The following FRY variants were observed in gnomAD, a reference collection of about 807,000 sequenced individuals.
The protein encoded by FRY is FRY microtubule binding protein, also known as protein furry homolog.
A neutral mutation model predicts 348.4 loss-of-function variants in FRY; 128 were observed. The ratio of observed to expected loss-of-function variants is 0.37; its 90% CI spans 0.32 to 0.43. The LOEUF is 0.43. FRY is among the 20% of genes least tolerant of loss of function. The pLI is 1.00. For synonymous variants in FRY, 1,370 were observed against 1,374.7 expected (o/e 1.00, Z 0.08); for missense variants, 2,736 against 3,695.2 (o/e 0.74, Z 6.73).
chr13:32,281,033 C>T (rs1232765846), intron 58 of FRY, among the ~76,000 whole-genome samples: 2 of 152,132 alleles, frequency 1.3e-5, no homozygotes, highest in Non-Finnish European at 1.5e-5. Flanking sequence ...TATTCGTGCA[C>T]CTCTTTCTTT....
intron 4 of FRY, among the ~76,000 whole-genome samples, chr13:32,122,560 A>G (rs1240581997): frequency 2.0e-5 from 3 of 152,202 alleles, no homozygotes; most frequent in African/African-American, 7.2e-5. Context: ...GCCATCTACG[A>G]CAAACCCACA....
chr13:32,118,501 C>G (rs1208721414), intron 4 of FRY, among the ~76,000 whole-genome samples: 1 of 152,030 alleles, frequency 6.6e-6, no homozygotes, highest in Non-Finnish European at 1.5e-5. Flanking sequence ...TTATAATGTG[C>G]TTGAATTTAT....
chr13:32,189,496 G>A (rs2138278247), intron 28 of FRY, among the ~76,000 whole-genome samples: 1 of 151,950 alleles, frequency 6.6e-6, no homozygotes, highest in South Asian at 2.1e-4. Context: ...ACAGTACCAT[G>A]AAGGAAATAA....
At chr13:32,124,714 T>C (rs1429611231) in intron 6 of FRY, 33 bp downstream of exon 6, 6 of 1,523,106 alleles carry the variant, frequency 3.9e-6, no homozygotes, top group African/African-American at 2.7e-5. Flanking sequence ...AATGTTGAAG[T>C]TGGTGTTTAA....
At chr13:32,144,242 A>G (rs1421953398) in intron 11 of FRY, among the ~76,000 whole-genome samples, 1 of 151,328 alleles carries the variant, frequency 6.6e-6, no homozygotes, top group Middle Eastern at 3.2e-3. Context: ...CTTCTACATA[A>G]ATGTGTGCTT....
chr13:32,089,219 G>C (rs1418409990), intron 2 of FRY, among the ~76,000 whole-genome samples: 1 of 152,122 alleles, frequency 6.6e-6, no homozygotes, highest in Non-Finnish European at 1.5e-5. Context: ...CTAACAATAA[G>C]ACTTGTTTTA....
At chr13:32,117,606 C>T (rs1436459258) in intron 4 of FRY, 133 bp downstream of exon 4, 6 of 881,800 alleles carry the variant, frequency 6.8e-6, no homozygotes, top group Admixed American at 1.9e-5. Context: ...GCTGCAGGGG[C>T]CCTGTGTCTG....
chr13:32,254,858 G>A (rs75990837), intron 51 of FRY, among the ~76,000 whole-genome samples: 4,113 of 152,254 alleles, frequency 0.027, 209 homozygotes, highest in African/African-American at 0.094. Flanking sequence ...ACATTTTTGT[G>A]CTTGATGAAA....
intron 2 of FRY, among the ~76,000 whole-genome samples, chr13:32,098,072 C>T (rs931292183): frequency 1.3e-5 from 2 of 151,992 alleles, no homozygotes; most frequent in African/African-American, 2.4e-5. Context: ...CAGCACCAAG[C>T]GAAATGCACA....
chr13:32,070,879 A>G (rs1399367612), intron 1 of FRY, among the ~76,000 whole-genome samples: 1 of 152,138 alleles, frequency 6.6e-6, no homozygotes, highest in Non-Finnish European at 1.5e-5. Context: ...GTCTGGAATT[A>G]ATTTTTGTGT....
intron 1 of FRY, among the ~76,000 whole-genome samples, chr13:32,066,366 CT>C (rs959307507): frequency 6.6e-6 from 1 of 152,186 alleles, no homozygotes; most frequent in African/African-American, 2.4e-5. Context: ...ATGGTTCCCC[CT>C]GGTCATAGGT....
intron 2 of FRY, among the ~76,000 whole-genome samples, chr13:32,091,489 G>T (rs1192217403): frequency 6.6e-6 from 1 of 152,212 alleles, no homozygotes; most frequent in African/African-American, 2.4e-5. Context: ...ATGAGAAAAA[G>T]ATGTCAGACA....
chr13:32,098,210 T>A (rs1279010424), intron 2 of FRY, among the ~76,000 whole-genome samples: 12 of 152,086 alleles, frequency 7.9e-5, no homozygotes, highest in Admixed American at 6.5e-4. Context: ...ACTGTGTTTT[T>A]ATGGGTAAAC....
chr13:32,208,200 A>G (rs969126246), intron 31 of FRY, among the ~76,000 whole-genome samples: 1 of 152,234 alleles, frequency 6.6e-6, no homozygotes, highest in African/African-American at 2.4e-5. Flanking sequence ...GACTCTGCAA[A>G]GTGGGTTTAT....
intron 3 of FRY, among the ~76,000 whole-genome samples, chr13:32,110,999 C>T (rs902094697): frequency 2.6e-5 from 4 of 152,184 alleles, no homozygotes; most frequent in South Asian, 2.1e-4. Context: ...CTAATTAAGA[C>T]AGGGCAACAT....
chr13:32,268,036 A>G (rs206084), intron 55 of FRY, among the ~76,000 whole-genome samples: 116,265 of 152,078 alleles, frequency 0.76, 46,458 homozygotes, highest in Middle Eastern at 0.9. Flanking sequence ...TACCACACCT[A>G]GCCAGCAGAG....
In FRY at chr13:32,185,009, C is replaced by T; in HGVS notation, c.3180C>T (p.Ala1060=). Residue 1060 remains alanine (A), a synonymous_variant, in exon 26 of 61, where the codon GCC becomes GCT. Coordinates refer to ENST00000542859, the MANE Select transcript of FRY (RefSeq NM_023037.3). ...GAGCCCTAGAGCGGGATACTTTAGCCCTGGGAGCTTTGTTCTTAGAATATG... is the reference window on the plus strand; with the variant it reads ...GAGCCCTAGAGCGGGATACTTTAGCTCTGGGAGCTTTGTTCTTAGAATATG... ...TNGALERDTL[A]LGALFLEYVD... is the part of the protein sequence containing the mutation. 6.2e-7 allele frequency: 1 copy of T among 1,613,870 alleles called. No homozygotes were observed. The highest frequency in any genetic ancestry group is 8.5e-7 in the Non-Finnish European group (1 of 1,179,858).
chr13:32,286,572 C>G (rs2138636183), intron 58 of FRY, among the ~76,000 whole-genome samples: 1 of 151,584 alleles, frequency 6.6e-6, no homozygotes, highest in Non-Finnish European at 1.5e-5. Context: ...AAGGTGAAAC[C>G]CTGTCTCTAC....
chr13:32,194,609 C>G (rs2138298557), intron 29 of FRY, among the ~76,000 whole-genome samples: 1 of 152,206 alleles, frequency 6.6e-6, no homozygotes, highest in South Asian at 2.1e-4. Context: ...AAAGGAATGT[C>G]TAGAAATGTT....
Sources: gnomAD v4.1 joint callset for allele counts (sites outside exome capture counted in the v4.1 genomes callset) on GRCh38, gnomAD v4.1.1 for gene constraint, MANE v1.5 for transcripts, NCBI Gene and HGNC (gene_info 2026-07-23, HGNC 2026-07-21) for gene names.